The following DHX35 variants were observed in gnomAD, a reference collection of about 807,000 sequenced individuals.
The protein encoded by DHX35 is probable ATP-dependent RNA helicase DHX35.
In DHX35, 84 loss-of-function variants were observed where a neutral mutation model predicts 99.6. That is an observed-to-expected ratio of 0.84 (90% CI 0.71 to 1.01). The LOEUF (loss-of-function observed/expected upper bound fraction) is 1.01, where lower values mean the gene tolerates loss of function less well. DHX35 is among the 50% of genes least tolerant of loss of function. The pLI is 0.00. For synonymous variants in DHX35, 331 were observed against 316.2 expected (o/e 1.05, Z -0.50); for missense variants, 852 against 888.5 (o/e 0.96, Z 0.52).
intron 8 of DHX35, 118 bp from the exon 9 acceptor site, chr20:39,001,612 C>T: frequency 1.5e-6 from 1 of 680,244 alleles, no homozygotes; most frequent in East Asian, 2.7e-5. Flanking sequence ...CTGTATTGCA[C>T]ATATATAATC....
intron 18 of DHX35, among the ~76,000 whole-genome samples, chr20:39,026,944 C>G (rs753970224): frequency 6.6e-6 from 1 of 152,096 alleles, no homozygotes; most frequent in Non-Finnish European, 1.5e-5. Flanking sequence ...TTATCAGACC[C>G]CTGCCCAGGA....
Position 38,968,105 on chromosome 20 carries a change from T to C in DHX35, c.41-976T>C, listed in dbSNP as rs972831282. ...TAGGGCTGGCATCTGTATTGTTCAC[T>C]GCAGTGTTTCTAGTGCTTAGAGTGG... is the stretch of plus-strand genomic sequence containing the variant. On this transcript the variant is annotated intron_variant, in intron 1 of 21. Transcript: ENST00000252011. 3.9e-5 allele frequency among the ~76,000 whole-genome samples: 6 copies of C among 152,236 alleles called. No homozygotes were observed. The South Asian group carries it at 1.0e-3, about 26-fold the overall frequency.
Position 39,018,894 on chromosome 20 carries a change from A to C in DHX35, c.1493A>C (p.Glu498Ala). 1 of 1,613,986 alleles carries C rather than the reference A, an allele frequency of 6.2e-7. No individual in the cohort carries two copies. The highest frequency in any genetic ancestry group is 2.2e-5 in the East Asian group (1 of 44,864). The change falls in exon 15 of 22, where the codon GAA (glutamate) becomes GCA (alanine). Residue 498 changes from glutamate (E) to alanine (A), a missense_variant. Glu to Ala is a moderately radical substitution (Grantham distance 107, BLOSUM62 -1). Transcript: ENST00000252011. ...CCCATGTTTGCCAAAATGCTGCTTG[A>C]ATCAGGTGGGTAGAGCCTGATAGCT... ...LNPMFAKMLL[E>A]SGNFGCSQEI...
At chr20:38,971,721 TA>T (rs943550806) in intron 2 of DHX35, among the ~76,000 whole-genome samples, 1 of 152,208 alleles carries the variant, frequency 6.6e-6, no homozygotes. Context: ...ACTAGGGTAT[TA>T]TTCACACTGT....
At chr20:38,991,589 G>A (rs1290341686) in intron 6 of DHX35, 74 bp downstream of exon 6, 5 of 1,360,122 alleles carry the variant, frequency 3.7e-6, no homozygotes, top group Non-Finnish European at 4.1e-6. Context: ...AGGTGTGTTA[G>A]TAGCTGGGAT....
rs776167329 is a variant in DHX35, at chr20:39,028,399, C to G, written c.1802-19C>G. On this transcript the variant is annotated intron_variant, in intron 18 of 21. Coordinates refer to ENST00000252011, the MANE Select transcript of DHX35 (RefSeq NM_021931.4). ...GCAGGCAAGGGTTTCACCCGCCTCT[C>G]TGTTGGCTGCCTATGTAGGTGACCC... 6.2e-7 allele frequency: 1 copy of G among 1,613,896 alleles called. No individual in the cohort carries two copies. Among genetic ancestry groups the G allele is most frequent in the East Asian group, 2.2e-5 (1 of 44,900 alleles).
intron 1 of DHX35, among the ~76,000 whole-genome samples, chr20:38,964,440 T>C (rs1267701168): frequency 1.3e-5 from 2 of 151,994 alleles, no homozygotes; most frequent in African/African-American, 4.8e-5. Flanking sequence ...TTCTTTCTTT[T>C]TTTTTTTTGA....
chr20:39,025,919 C>T (rs937438546), intron 18 of DHX35, among the ~76,000 whole-genome samples: 11 of 152,132 alleles, frequency 7.2e-5, no homozygotes, highest in Non-Finnish European at 1.3e-4. Flanking sequence ...CTCAATCTCG[C>T]ACTCTGTGAG....
chr20:39,000,556 C>T (rs1483923717), intron 8 of DHX35, among the ~76,000 whole-genome samples: 2 of 152,194 alleles, frequency 1.3e-5, no homozygotes, highest in African/African-American at 4.8e-5. Context: ...TGTGCTTATT[C>T]TTCTCAATTT....
chr20:39,008,898 C>T (rs2086658588), intron 12 of DHX35, among the ~76,000 whole-genome samples: 1 of 152,208 alleles, frequency 6.6e-6, no homozygotes, highest in East Asian at 1.9e-4. Flanking sequence ...CACCCTGCTT[C>T]CTCCTTCCCT....
chr20:38,972,473 A>G, intron 2 of DHX35, 86 bp from the exon 3 acceptor site: 1 of 825,798 alleles, frequency 1.2e-6, no homozygotes, highest in Non-Finnish European at 2.0e-6. Context: ...CTTTGAAAAC[A>G]GCTCATTTCA....
chr20:38,990,760 G>T (rs1402183149), intron 5 of DHX35, among the ~76,000 whole-genome samples: 2 of 152,134 alleles, frequency 1.3e-5, no homozygotes, highest in African/African-American at 4.8e-5. Flanking sequence ...GCAGATTTTG[G>T]TGTGGGTTGG....
At chr20:38,988,663 T>C in intron 4 of DHX35, 150 bp from the exon 5 acceptor site, 4 of 1,121,746 alleles carry the variant, frequency 3.6e-6, no homozygotes, top group Non-Finnish European at 4.8e-6. Flanking sequence ...CAAAAGTTAT[T>C]ATGCTTGTTC....
chr20:38,985,646 G>A (rs1173611941), intron 4 of DHX35, among the ~76,000 whole-genome samples: 5 of 152,066 alleles, frequency 3.3e-5, no homozygotes, highest in African/African-American at 1.2e-4. Context: ...AAATGCTGCT[G>A]GAGTTAATCT....
chr20:39,003,378 T>A (rs2086555846), intron 10 of DHX35, among the ~76,000 whole-genome samples: 1 of 152,244 alleles, frequency 6.6e-6, no homozygotes, highest in South Asian at 2.1e-4. Context: ...TCAGTAATCT[T>A]TTTTGGAGAA....
intron 16 of DHX35, 67 bp downstream of exon 16, chr20:39,022,002 CTG>C: frequency 1.3e-6 from 2 of 1,497,372 alleles, no homozygotes; most frequent in Non-Finnish European, 1.9e-6. Context: ...GTTGTCAAAA[CTG>C]TACTCAGGAA....
At position 39,002,776 on chromosome 20, in the gene DHX35, G is replaced by C; in HGVS notation, c.760G>C (p.Val254Leu). 6.2e-7 allele frequency: 1 copy of C among 1,613,860 alleles called. No individual in the cohort carries two copies. Among genetic ancestry groups the C allele is most frequent in the Non-Finnish European group, 8.5e-7 (1 of 1,179,820 alleles). Residue 254 changes from valine to leucine, a missense_variant, in exon 10 of 22, where the codon GTT becomes CTT. Physicochemically the swap from Val to Leu is conservative, Grantham distance 32. Transcript: ENST00000252011. ...TCATCCCATTTGTCTTTTCAGTCCT[G>C]TTCCAGATTATATCAAATCAACTGT... ...PVDIFYLQSP[V>L]PDYIKSTVET...
In DHX35 at chr20:38,975,084, T is replaced by A. The variant is rs150406965; in HGVS notation, c.267+2433T>A. 6.3e-3 allele frequency among the ~76,000 whole-genome samples: 954 copies of A among 152,220 alleles called. 9 individuals are homozygous for A. Among genetic ancestry groups the A allele is most frequent in the South Asian group, 0.021 (103 of 4,792 alleles). Reference sequence around the variant, plus strand: ...GTGGTCATGCCAGGATCTGTGTAGATCTTTTTTTTTGTCTGCTCCCCAACT... The same window carrying A: ...GTGGTCATGCCAGGATCTGTGTAGAACTTTTTTTTTGTCTGCTCCCCAACT... On this transcript the variant is annotated intron_variant, in intron 3 of 21. Coordinates refer to ENST00000252011, the MANE Select transcript of DHX35 (RefSeq NM_021931.4).
chr20:38,995,015 A>C (rs144756846), intron 8 of DHX35, 135 bp downstream of exon 8: 475 of 674,646 alleles, frequency 7.0e-4, no homozygotes, highest in Admixed American at 4.4e-3. Context: ...CTGATGTCCT[A>C]GATTTCATAT....
Sources: gnomAD v4.1 joint callset for allele counts (sites outside exome capture counted in the v4.1 genomes callset) on GRCh38, gnomAD v4.1.1 for gene constraint, MANE v1.5 for transcripts, NCBI Gene and HGNC (gene_info 2026-07-23, HGNC 2026-07-21) for gene names.